MARS1: variants seen among roughly 807,000 people sequenced by gnomAD.
The protein encoded by MARS1 is methionine--tRNA ligase, cytoplasmic.
A neutral mutation model predicts 119.5 loss-of-function variants in MARS1; 80 were observed. The ratio of observed to expected loss-of-function variants is 0.67; its 90% CI spans 0.56 to 0.81. The LOEUF is 0.81. Among genes scored for constraint, MARS1 ranks in the 30% least tolerant of loss-of-function variants. The pLI is 0.00. For synonymous variants in MARS1, 418 were observed against 433.4 expected, an observed-to-expected ratio of 0.96 and a Z score of 0.44; for missense variants, 945 against 1,116.5, an observed-to-expected ratio of 0.85 and a Z score of 2.19.
intron 10 of MARS1, chr12:57,503,947 C>T: frequency 2.5e-6 from 1 of 398,800 alleles, no homozygotes; most frequent in Non-Finnish European, 4.6e-6. Context: ...CAGCCAAGTA[C>T]AGTGCAGTGC....
At chr12:57,498,723 C>T (rs1235723927) in intron 9 of MARS1, 100 bp downstream of exon 9, 3 of 1,063,156 alleles carry the variant, frequency 2.8e-6, no homozygotes, top group South Asian at 1.3e-5. Context: ...GCTGTCTGGG[C>T]ACTCCTAAAC....
Position 57,490,728 on chromosome 12 carries a change from G to A in MARS1, c.770+84G>A, listed in dbSNP as rs367929739. The A allele has an allele frequency of 7.8e-5, 78 of 996,646 alleles. 1 individual carries two copies. Among genetic ancestry groups the A allele is most frequent in the East Asian group, 4.5e-4 (17 of 37,972 alleles). 61.7% of individuals were successfully genotyped at this position (996,646 alleles called of 1,614,324 possible). A position where few individuals can be genotyped will look rare whatever the true frequency, so the allele number is the denominator to read the frequency against. ...AGCCAGAACCTGCCTGCTAGGTCCC[G>A]TTTGCTGATCTCTCTTTAATTTTTC... On this transcript the variant is annotated intron_variant, in intron 7 of 20. Transcript: ENST00000262027.
chr12:57,504,377 C>A, intron 11 of MARS1, 78 bp downstream of exon 11: 1 of 1,098,540 alleles, frequency 9.1e-7, no homozygotes. Flanking sequence ...ATACTGAGAG[C>A]AGATTACTCT....
In MARS1 at chr12:57,499,627, G is replaced by T. The variant is rs576215851; in HGVS notation, c.1092-694G>T. On this transcript the variant is annotated intron_variant, in intron 9 of 20. Transcript: ENST00000262027. ...AAAAAAAAAAAAAAAAGGGCTGGGC[G>T]CAGTGGCTCACGCCTGTAATCTCAG... 2.7e-5 allele frequency among the ~76,000 whole-genome samples: 4 copies of T among 150,460 alleles called. No homozygotes were observed. In the Middle Eastern group the frequency reaches 0.01, roughly 395 times the overall value.
At chr12:57,505,594 T>G in intron 11 of MARS1, among the ~76,000 whole-genome samples, 1 of 152,240 alleles carries the variant, frequency 6.6e-6, no homozygotes, top group South Asian at 2.1e-4. Flanking sequence ...GAGGATCTCT[T>G]GATGCCAGGA....
rs1876872736 is a variant in MARS1 at position 57,500,529 on chromosome 12, G to C, written c.1293+7G>C. 1.2e-6 allele frequency: 2 copies of C among 1,613,828 alleles called. No homozygotes were observed. The highest frequency in any genetic ancestry group is 1.7e-6 in the Non-Finnish European group (2 of 1,179,836). On this transcript the variant is annotated splice_region_variant and intron_variant, in intron 10 of 20. Transcript: ENST00000262027. Reference sequence around the variant, plus strand: ...CAATGCTGTCGAGCTTAAGGTAAGAGGAGGGTCTCCATGGGAGCCCGGAAG... The same window carrying C: ...CAATGCTGTCGAGCTTAAGGTAAGACGAGGGTCTCCATGGGAGCCCGGAAG...
chr12:57,511,492 G>A, intron 11 of MARS1: 1 of 575,918 alleles, frequency 1.7e-6, no homozygotes. Context: ...TAGGAGGATT[G>A]CTTGAGCCCA....
chr12:57,488,546 C>CTTTTGTGTT, intron 1 of MARS1: 1 of 1,543,732 alleles, frequency 6.5e-7, no homozygotes, highest in Admixed American at 2.0e-5. Context: ...CCCCAGGCAC[C>CTTTTGTGTT]CTTTTGTGTT....
chr12:57,490,331 GC>G lies in MARS1; in HGVS notation c.619del (p.Gln207SerfsTer38), dbSNP rs769771796. 1 of 1,612,752 alleles carries G rather than the reference GC, an allele frequency of 6.2e-7. No individual in the cohort carries two copies. Among genetic ancestry groups the G allele is most frequent in the Non-Finnish European group, 8.5e-7 (1 of 1,180,040 alleles). ...CTCTCCGGCCTTACCTCCAAAAGCA[GC>G]CCCAGCCCAGCCCCGCTGAGGGAAG... The part of the protein sequence containing the change: ...LALRPYLQKQ[P>X]QPSPAEGRAV... On this transcript the variant is annotated frameshift_variant, in exon 6 of 21. Transcript: ENST00000262027. LOFTEE classifies it high-confidence loss of function.
chr12:57,510,741 G>A (rs181026332), intron 11 of MARS1, among the ~76,000 whole-genome samples: 1 of 152,062 alleles, frequency 6.6e-6, no homozygotes, highest in East Asian at 1.9e-4. Flanking sequence ...GAGTAGCCTG[G>A]GCAACAAAGC....
At position 57,512,884 on chromosome 12, in the gene MARS1, G is replaced by A. The variant is rs373673048; in HGVS notation, c.1887G>A (p.Gln629=). The A allele has an allele frequency of 6.2e-7, 1 of 1,614,138 alleles. No individual in the cohort carries two copies. Among genetic ancestry groups the A allele is most frequent in the Non-Finnish European group, 8.5e-7 (1 of 1,180,058 alleles). The change falls in exon 15 of 21, where the codon CAG becomes CAA. Residue 629 remains glutamine (Q), a synonymous_variant. Transcript: ENST00000262027. ...FYLLYIRPEG[Q]DSAFSWTDLL... Reference sequence around the variant, plus strand: ...TGCTGTACATTCGGCCTGAGGGCCAGGACAGTGCTTTCTCCTGGACGGACC... The same window carrying A: ...TGCTGTACATTCGGCCTGAGGGCCAAGACAGTGCTTTCTCCTGGACGGACC...
intron 7 of MARS1, among the ~76,000 whole-genome samples, chr12:57,494,437 C>T (rs1449887899): frequency 1.3e-5 from 2 of 148,164 alleles, no homozygotes; most frequent in Non-Finnish European, 3.0e-5. Flanking sequence ...AAGTGATTCT[C>T]CTGTCTCAGC....
Position 57,490,386 on chromosome 12 carries a change from A to C in MARS1, c.663+7A>C, listed in dbSNP as rs1268275179. ...TGTCACCAATGAGCCTGAGGTTTGG[A>C]ATAGGGCAGAGCCTTGGGGCCTGAG... is the stretch of plus-strand genomic sequence containing the variant. On this transcript the variant is annotated splice_region_variant and intron_variant, in intron 6 of 20. Coordinates refer to ENST00000262027, the MANE Select transcript of MARS1 (RefSeq NM_004990.4). 2.5e-6 allele frequency: 4 copies of C among 1,612,526 alleles called. No homozygotes were observed. The highest frequency in any genetic ancestry group is 3.4e-6 in the Non-Finnish European group (4 of 1,179,924).
intron 18 of MARS1, 35 bp from the exon 19 acceptor site, chr12:57,515,885 A>T (rs1275929165): frequency 2.0e-6 from 3 of 1,531,734 alleles, no homozygotes. Context: ...GTCTGTATCC[A>T]ATCAGTAGAT....
In MARS1 at chr12:57,511,726, G is replaced by A. The variant is rs1216119125; in HGVS notation, c.1397G>A (p.Gly466Glu). 6.2e-7 allele frequency: 1 copy of A among 1,614,206 alleles called. No individual in the cohort carries two copies. Reference protein sequence around the residue: ...KLEKRLEEWLGRTLPGSDWTP... With the variant: ...KLEKRLEEWLERTLPGSDWTP... ...GAGAAGCGACTGGAGGAGTGGTTGGGGAGGACATTGCCTGGCAGTGACTGG... is the reference window on the plus strand; with the variant it reads ...GAGAAGCGACTGGAGGAGTGGTTGGAGAGGACATTGCCTGGCAGTGACTGG... Residue 466 changes from glycine to glutamate, a missense_variant, in exon 12 of 21, where the codon GGG becomes GAG. Transcript: ENST00000262027.
intron 9 of MARS1, among the ~76,000 whole-genome samples, chr12:57,499,590 T>G (rs1594820539): frequency 4.5e-5 from 5 of 111,792 alleles, no homozygotes; most frequent in East Asian, 2.5e-4. Context: ...GGTGACGGAG[T>G]GAGACTGTCT....
chr12:57,515,981 G>C lies in MARS1; in HGVS notation c.2453G>C (p.Gly818Ala). ...DQIESLRQRFGGGQAKTSPKP... is the reference protein window; with the variant it reads ...DQIESLRQRFAGGQAKTSPKP... ...ATTGAAAGTTTAAGGCAGCGCTTTG[G>C]AGGGGGCCAGGTGAGAAAGCTAAAG... The change falls in exon 19 of 21, where the codon GGA becomes GCA. Residue 818 changes from glycine (G) to alanine (A), a missense_variant. By Grantham distance (60) the Gly-to-Ala change is moderately conservative (BLOSUM62 0). Coordinates refer to ENST00000262027, the MANE Select transcript of MARS1 (RefSeq NM_004990.4). 1 of 1,614,172 alleles carries C rather than the reference G, an allele frequency of 6.2e-7. No individual in the cohort carries two copies. Among genetic ancestry groups the C allele is most frequent in the Non-Finnish European group, 8.5e-7 (1 of 1,180,026 alleles).
At chr12:57,495,323 G>C (rs1002729104) in intron 7 of MARS1, among the ~76,000 whole-genome samples, 1 of 151,836 alleles carries the variant, frequency 6.6e-6, no homozygotes, top group Non-Finnish European at 1.5e-5. Context: ...CTCCCGGATG[G>C]GGTGGCGGTC....
In MARS1 at chr12:57,513,904, A is replaced by C. The variant is rs568650540; in HGVS notation, c.1968-816A>C. Among the ~76,000 whole-genome samples, 320 of 151,122 alleles carry C rather than the reference A, an allele frequency of 2.1e-3. 1 individual carries two copies. The highest frequency in any genetic ancestry group is 3.7e-3 in the Non-Finnish European group (252 of 67,784). On this transcript the variant is annotated intron_variant, in intron 15 of 20. Coordinates refer to ENST00000262027, the MANE Select transcript of MARS1 (RefSeq NM_004990.4). The stretch of plus-strand genomic sequence containing the variant: ...CTGGTGAAACCCCGTCTCCACTAAA[A>C]ATACAAAAAGTAGCCGGGCGTGGTG...
Sources: allele counts gnomAD v4.1 joint callset (sites outside exome capture counted in the v4.1 genomes callset), GRCh38; gene constraint gnomAD v4.1.1; transcripts MANE v1.5; gene names NCBI Gene and HGNC (gene_info 2026-07-23, HGNC 2026-07-21).